SAFB2: variants seen among roughly 807,000 people sequenced by gnomAD.
SAFB2 encodes scaffold attachment factor B2.
Under a neutral mutation model 100.6 loss-of-function variants are expected in SAFB2, and 32 were observed. The ratio of observed to expected loss-of-function variants is 0.32; its 90% CI spans 0.24 to 0.43. SAFB2 has a LOEUF of 0.43. SAFB2 is among the 20% of genes least tolerant of loss of function. SAFB2 has a pLI of 1.00. For missense variants in SAFB2, 1,185 were observed against 1,163.4 expected (o/e 1.02, Z -0.27); for synonymous variants, 500 against 439.4 (o/e 1.14, Z -1.72).
At chr19:5,612,464 C>T in intron 6 of SAFB2, 76 bp downstream of exon 6, 1 of 1,340,642 alleles carries the variant, frequency 7.5e-7, no homozygotes, top group Non-Finnish European at 1.1e-6. Context: ...CATAACACAG[C>T]TTAAAATATA....
Position 5,616,437 on chromosome 19 carries a change from A to G in SAFB2, c.324T>C (p.Asp108=), listed in dbSNP as rs777456216. 3.1e-6 allele frequency: 5 copies of G among 1,614,030 alleles called. No homozygotes were observed. The highest frequency in any genetic ancestry group is 4.2e-6 in the Non-Finnish European group (5 of 1,180,004). ...CATCACTTACCTGCCCGTCTCTGGA[A>G]TCGTCTTCCAGGCCATTATCTTCTG... The part of the protein sequence containing the change: ...EGTEDNGLED[D]SRDGQEDMEA... The change falls in exon 3 of 21, where the codon GAT becomes GAC. Residue 108 remains aspartate, a synonymous_variant. Transcript: ENST00000252542.
At position 5,600,202 on chromosome 19, in the gene SAFB2, T is replaced by C. The variant is rs2052625307; in HGVS notation, c.1618A>G (p.Ile540Val). ...EKKEEKKPEDIKKEEKDQDEL... is the reference protein window; with the variant it reads ...EKKEEKKPEDVKKEEKDQDEL... ...TCCTGGTCTTTTTCTTCCTTCTTAA[T>C]GTCTTCAGGCTTTTTTTCCTCCTTC... The change falls in exon 12 of 21, where the codon ATT becomes GTT. Residue 540 changes from isoleucine to valine, a missense_variant. By Grantham distance (29) the Ile-to-Val change is conservative. Coordinates refer to ENST00000252542, the MANE Select transcript of SAFB2 (RefSeq NM_014649.3). 6.2e-7 allele frequency: 1 copy of C among 1,614,110 alleles called. No individual in the cohort carries two copies. The highest frequency in any genetic ancestry group is 1.3e-5 in the African/African-American group (1 of 75,042).
Position 5,591,736 on chromosome 19 carries a change from G to A in SAFB2, c.2394+12C>T. The A allele has an allele frequency of 6.2e-7, 1 of 1,613,228 alleles. No homozygotes were observed. Among genetic ancestry groups the A allele is most frequent in the Non-Finnish European group, 8.5e-7 (1 of 1,179,372 alleles). ...CAGTGGCCCCAGGGCTTGGCATCGG[G>A]GCTCTACTCACCTGCCCATCCCGGT... is the stretch of plus-strand genomic sequence containing the variant. On this transcript the variant is annotated intron_variant, in intron 17 of 20. Coordinates refer to ENST00000252542, the MANE Select transcript of SAFB2 (RefSeq NM_014649.3).
At chr19:5,613,331 TCTG>T in intron 5 of SAFB2, 131 bp downstream of exon 5, 1 of 772,014 alleles carries the variant, frequency 1.3e-6, no homozygotes. Flanking sequence ...CTGTTTCTCT[TCTG>T]CTAACCTCTT....
intron 2 of SAFB2, 142 bp downstream of exon 2, chr19:5,621,167 G>A: frequency 1.5e-6 from 1 of 669,312 alleles, no homozygotes; most frequent in South Asian, 1.7e-5. Context: ...CTGTTAGGTG[G>A]TGACGAGCAA....
At chr19:5,588,898 TCAGA>T (rs1271075750) in intron 18 of SAFB2, 2 of 152,282 alleles carry the variant, frequency 1.3e-5, no homozygotes, top group African/African-American at 2.4e-5. Flanking sequence ...GTTTAAAGTT[TCAGA>T]CAAACTCTGG....
At chr19:5,593,833 G>C in intron 15 of SAFB2, 58 bp downstream of exon 15, 1 of 1,381,132 alleles carries the variant, frequency 7.2e-7, no homozygotes, top group Non-Finnish European at 9.4e-7. Context: ...TCTGCTGGAA[G>C]GGTGAACACC....
rs765010406 is a variant in SAFB2 at position 5,592,813 on chromosome 19, G to C, written c.2282C>G (p.Pro761Arg). ...EDRYRADFPR[P>R]DHRFHDFDHR... ...ATCGAAGTCGTGAAAGCGGTGGTCT[G>C]GCCGGGGAAAGTCTGCACGATATCG... Residue 761 changes from proline (P) to arginine (R), a missense_variant, in exon 16 of 21, where the codon CCA becomes CGA. Around this residue, in one of 3 missense-constraint regions of SAFB2, gnomAD observed 740 missense variants for 687.1 expected, o/e 1.08. Coordinates refer to ENST00000252542, the MANE Select transcript of SAFB2 (RefSeq NM_014649.3). 1 of 1,614,150 alleles carries C rather than the reference G, an allele frequency of 6.2e-7. No homozygotes were observed. Among genetic ancestry groups the C allele is most frequent in the Admixed American group, 1.7e-5 (1 of 60,020 alleles).
chr19:5,615,055 A>C (rs551693006), intron 4 of SAFB2, among the ~76,000 whole-genome samples: 1 of 152,226 alleles, frequency 6.6e-6, no homozygotes, highest in African/African-American at 2.4e-5. Flanking sequence ...TACCAAAAAT[A>C]TAAAAAATTA....
Position 5,587,714 on chromosome 19 carries a change from C to G in SAFB2, c.2692G>C (p.Gly898Arg), listed in dbSNP as rs1313955276. Residue 898 changes from glycine to arginine, a missense_variant, in exon 20 of 21, where the codon GGT becomes CGT. Gly to Arg is a moderately radical substitution (Grantham distance 125). Transcript: ENST00000252542. The surrounding 1 kb of genome is among the most constrained non-coding windows in gnomAD (Gnocchi z 4.9). ...GACACACCTTACCCCGCCACTCCAC[C>G]GCGGCTTGCCATGTGCCCCGGCCCC... Reference protein sequence around the residue: ...PSGPGHMASRGGVAGRGGFAQ... With the variant: ...PSGPGHMASRRGVAGRGGFAQ... 1 of 1,551,732 alleles carries G rather than the reference C, an allele frequency of 6.4e-7. No homozygotes were observed. The highest frequency in any genetic ancestry group is 8.7e-7 in the Non-Finnish European group (1 of 1,147,176).
chr19:5,613,055 G>A (rs2052943442), intron 5 of SAFB2, among the ~76,000 whole-genome samples: 2 of 152,210 alleles, frequency 1.3e-5, no homozygotes, highest in African/African-American at 2.4e-5. Context: ...CAGACTCAGC[G>A]AGGCGGGCCC....
In SAFB2 at chr19:5,592,855, C is replaced by T. The variant is rs139056681; in HGVS notation, c.2240G>A (p.Arg747His). 58 of 1,614,128 alleles carry T rather than the reference C, an allele frequency of 3.6e-5. No homozygotes were observed. Among genetic ancestry groups the T allele is most frequent in the Middle Eastern group, 1.6e-4 (1 of 6,062 alleles). ...ACGATATCGGTCCTCCATTGCCACA[C>T]GCTTTCCTTCTGGCCAATAGGCATC... The part of the protein sequence containing the change: ...RDDAYWPEGK[R>H]VAMEDRYRAD... Residue 747 changes from arginine (R) to histidine (H), a missense_variant, in exon 16 of 21, where the codon CGT becomes CAT. Arg to His is a conservative substitution (Grantham distance 29). Transcript: ENST00000252542.
At chr19:5,603,654 G>A (rs753027678) in intron 11 of SAFB2, among the ~76,000 whole-genome samples, 7 of 151,548 alleles carry the variant, frequency 4.6e-5, no homozygotes, top group African/African-American at 7.3e-5. Flanking sequence ...AGGTGCCACC[G>A]TGAACTCACA....
chr19:5,594,716 G>A lies in SAFB2; in HGVS notation c.1920-538C>T, dbSNP rs548495093. 1.4e-4 allele frequency among the ~76,000 whole-genome samples: 21 copies of A among 152,270 alleles called. 1 individual carries two copies. The highest frequency in any genetic ancestry group is 3.9e-4 in the African/African-American group (16 of 41,546). ...CAAGGTCCAACATCAGAGGAGGGGC[G>A]AAAATAGACTTTGAGCCAGCAGAAG... On this transcript the variant is annotated intron_variant, in intron 14 of 20. Transcript: ENST00000252542.
In SAFB2 at chr19:5,604,933, C is replaced by A. The variant is rs1354999690; in HGVS notation, c.1300G>T (p.Val434Phe). ...KNLFSKYGKVVGAKVVTNARS... is the reference protein window; with the variant it reads ...KNLFSKYGKVFGAKVVTNARS... Reference sequence around the variant, plus strand: ...GCGTTCGTTACCACTTTGGCCCCGACAACCTTCATGAAAAAGGGCACTCTT... The same window carrying A: ...GCGTTCGTTACCACTTTGGCCCCGAAAACCTTCATGAAAAAGGGCACTCTT... The change falls in exon 10 of 21, where the codon GTC becomes TTC. Residue 434 changes from valine (V) to phenylalanine (F), a missense_variant. This residue lies in a region of SAFB2 where 94 missense variants were observed against 135.1 expected (regional missense o/e 0.70). Transcript: ENST00000252542. 6.2e-7 allele frequency: 1 copy of A among 1,612,306 alleles called. No homozygotes were observed. The highest frequency in any genetic ancestry group is 1.1e-5 in the South Asian group (1 of 91,004).
rs2052369402 is a variant in SAFB2 at position 5,590,396 on chromosome 19, C to G, written c.2407G>C (p.Asp803His). 11 of 1,610,536 alleles carry G rather than the reference C, an allele frequency of 6.8e-6. No homozygotes were observed. Among genetic ancestry groups the G allele is most frequent in the Non-Finnish European group, 9.3e-6 (11 of 1,178,672 alleles). Residue 803 changes from aspartate to histidine, a missense_variant, in exon 18 of 21, where the codon GAC becomes CAC. Physicochemically the swap from Asp to His is moderately conservative, Grantham distance 81 (BLOSUM62 -1). Around this residue, in one of 3 missense-constraint regions of SAFB2, gnomAD observed 740 missense variants for 687.1 expected, o/e 1.08. Coordinates refer to ENST00000252542, the MANE Select transcript of SAFB2 (RefSeq NM_014649.3). The stretch of plus-strand genomic sequence containing the variant: ...GGGGGTCCTCCGTGGCCATGGCGGT[C>G]ATCTCCATAGTGCTGGAAGGCAGGA... ...DHRDGQHYGD[D>H]RHGHGGPPER...
intron 12 of SAFB2, among the ~76,000 whole-genome samples, chr19:5,599,737 T>C (rs2052614546): frequency 1.3e-5 from 2 of 150,218 alleles, no homozygotes. Context: ...CATTTTTCTC[T>C]GTGTTTTTAC....
chr19:5,593,001 A>C (rs553227205), intron 15 of SAFB2, 114 bp from the exon 16 acceptor site: 13 of 952,354 alleles, frequency 1.4e-5, no homozygotes, highest in Non-Finnish European at 1.9e-5. Flanking sequence ...GTATCGTTTA[A>C]AATGTCCTGC....
chr19:5,603,444 A>G (rs2052706227), intron 11 of SAFB2, among the ~76,000 whole-genome samples: 1 of 152,236 alleles, frequency 6.6e-6, no homozygotes. Flanking sequence ...AGACACTGCC[A>G]TGATCAGATA....
Sources: gnomAD v4.1 joint callset for allele counts (sites outside exome capture counted in the v4.1 genomes callset) on GRCh38, gnomAD v4.1.1 for gene constraint, gnomAD v4.1.1 regional missense constraint, Gnocchi (gnomAD v3.1) non-coding constraint, MANE v1.5 for transcripts, NCBI Gene and HGNC (gene_info 2026-07-23, HGNC 2026-07-21) for gene names.